SPOCK1: variants seen among roughly 807,000 people sequenced by gnomAD.
The protein encoded by SPOCK1 is testican-1.
SPOCK1 carries 23 observed loss-of-function variants against 55.3 expected under a neutral mutation model. The observed-to-expected ratio is 0.42, with a 90% CI of 0.30 to 0.59. The LOEUF (loss-of-function observed/expected upper bound fraction) is 0.59, where lower values mean the gene tolerates loss of function less well. Ranked by LOEUF, SPOCK1 falls within the 20% of genes least tolerant of loss-of-function variation. The pLI is 0.22. For synonymous variants in SPOCK1, 226 were observed against 221.0 expected, an observed-to-expected ratio of 1.02 and a Z score of -0.20; for missense variants, 499 against 552.5, an observed-to-expected ratio of 0.90 and a Z score of 0.97.
intron 3 of SPOCK1, among the ~76,000 whole-genome samples, chr5:137,252,341 C>T (rs570770885): frequency 3.3e-5 from 5 of 152,306 alleles, no homozygotes; most frequent in Non-Finnish European, 7.3e-5. Flanking sequence ...TAGAGGAGAG[C>T]ATGGTTCTAA....
chr5:137,010,974 C>T (rs1751337124), intron 6 of SPOCK1, among the ~76,000 whole-genome samples: 1 of 152,188 alleles, frequency 6.6e-6, no homozygotes, highest in African/African-American at 2.4e-5. Context: ...GCACTGGCTT[C>T]TCATTCCTGT....
chr5:137,490,848 G>A (rs1228121938), intron 2 of SPOCK1, among the ~76,000 whole-genome samples: 2 of 152,098 alleles, frequency 1.3e-5, no homozygotes, highest in Non-Finnish European at 1.5e-5. Context: ...TGGGCCATAT[G>A]GAACCTCACA....
chr5:137,393,998 T>C (rs916295720), intron 2 of SPOCK1, among the ~76,000 whole-genome samples: 2 of 152,212 alleles, frequency 1.3e-5, no homozygotes, highest in African/African-American at 2.4e-5. Context: ...GGATGACTTA[T>C]ATAATAAAGT....
chr5:137,087,738 G>A (rs567677000), intron 5 of SPOCK1, among the ~76,000 whole-genome samples: 2 of 152,230 alleles, frequency 1.3e-5, no homozygotes, highest in African/African-American at 2.4e-5. Context: ...CCCAGCCTCC[G>A]CTGGATCTTT....
chr5:137,015,179 T>G (rs542369091), intron 6 of SPOCK1, among the ~76,000 whole-genome samples: 1 of 151,914 alleles, frequency 6.6e-6, no homozygotes, highest in African/African-American at 2.4e-5. Flanking sequence ...CGGTGGCCCA[T>G]GCCTGTAATC....
chr5:137,067,624 T>C, intron 6 of SPOCK1, 91 bp downstream of exon 6: 1 of 1,107,320 alleles, frequency 9.0e-7, no homozygotes, highest in Non-Finnish European at 1.4e-6. Flanking sequence ...CTCCAGTTTG[T>C]TCCTAGTGCC....
intron 3 of SPOCK1, among the ~76,000 whole-genome samples, chr5:137,181,632 TA>T (rs992079089): frequency 7.2e-5 from 11 of 152,300 alleles, no homozygotes; most frequent in Admixed American, 7.2e-4. Flanking sequence ...GTATTTGAAT[TA>T]AACATTAAAC....
intron 2 of SPOCK1, among the ~76,000 whole-genome samples, chr5:137,305,010 C>T (rs1757679183): frequency 6.6e-6 from 1 of 152,236 alleles, no homozygotes; most frequent in Admixed American, 6.5e-5. Context: ...GGCAGAGCCA[C>T]ATTCCCTCTG....
intron 4 of SPOCK1, 91 bp downstream of exon 4, chr5:137,140,489 C>T: frequency 9.5e-7 from 1 of 1,051,880 alleles, no homozygotes. Context: ...GCTCTCCCCT[C>T]CCCATATCCC....
chr5:137,415,969 C>A (rs910399591), intron 2 of SPOCK1, among the ~76,000 whole-genome samples: 2 of 151,942 alleles, frequency 1.3e-5, no homozygotes, highest in Non-Finnish European at 2.9e-5. Context: ...ACCTCAGTCA[C>A]AGGAAACAGG....
chr5:137,337,449 G>A (rs1385176981), intron 2 of SPOCK1, among the ~76,000 whole-genome samples: 1 of 152,182 alleles, frequency 6.6e-6, no homozygotes, highest in Non-Finnish European at 1.5e-5. Flanking sequence ...TACTGACCCA[G>A]GAGACTTGAT....
At chr5:137,344,110 A>G (rs1750500368) in intron 2 of SPOCK1, among the ~76,000 whole-genome samples, 1 of 152,232 alleles carries the variant, frequency 6.6e-6, no homozygotes, top group Admixed American at 6.5e-5. Context: ...ATAGAATTTA[A>G]TTATCGCAAA....
At chr5:137,080,864 C>T (rs1221608305) in intron 5 of SPOCK1, among the ~76,000 whole-genome samples, 1 of 152,154 alleles carries the variant, frequency 6.6e-6, no homozygotes, top group Non-Finnish European at 1.5e-5. Context: ...GACCACGTCA[C>T]TAATAAAAAG....
chr5:137,409,752 T>C (rs1190875790), intron 2 of SPOCK1, among the ~76,000 whole-genome samples: 2 of 152,228 alleles, frequency 1.3e-5, no homozygotes, highest in East Asian at 1.9e-4. Flanking sequence ...TTGACTTTCC[T>C]ATGTTTCTGT....
At chr5:137,442,891 T>C (rs991402326) in intron 2 of SPOCK1, among the ~76,000 whole-genome samples, 4 of 152,304 alleles carry the variant, frequency 2.6e-5, no homozygotes, top group African/African-American at 7.2e-5. Context: ...CTTGTCCAGG[T>C]CCCTGTCATG....
At chr5:137,438,669 C>CACAG (rs1554081347) in intron 2 of SPOCK1, among the ~76,000 whole-genome samples, 2 of 151,914 alleles carry the variant, frequency 1.3e-5, no homozygotes, top group Non-Finnish European at 2.9e-5. Flanking sequence ...CACACACACA[C>CACAG]AGAAGCCACC....
At chr5:137,437,892 C>T (rs1167825060) in intron 2 of SPOCK1, among the ~76,000 whole-genome samples, 1 of 152,118 alleles carries the variant, frequency 6.6e-6, no homozygotes, top group Non-Finnish European at 1.5e-5. Flanking sequence ...AAATTTATAC[C>T]CATCAAACAG....
intron 2 of SPOCK1, among the ~76,000 whole-genome samples, chr5:137,430,293 C>T (rs1435760790): frequency 6.6e-6 from 1 of 152,188 alleles, no homozygotes; most frequent in Non-Finnish European, 1.5e-5. Context: ...ATACCAAAGG[C>T]TCTATTCACA....
chr5:137,209,887 C>T (rs1188132902), intron 3 of SPOCK1, among the ~76,000 whole-genome samples: 1 of 152,136 alleles, frequency 6.6e-6, no homozygotes, highest in Non-Finnish European at 1.5e-5. Flanking sequence ...GTAATAAATC[C>T]ATATTTATGC....
Sources: allele counts gnomAD v4.1 joint callset (sites outside exome capture counted in the v4.1 genomes callset), GRCh38; gene constraint gnomAD v4.1.1; transcripts MANE v1.5; gene names NCBI Gene and HGNC (gene_info 2026-07-23, HGNC 2026-07-21).